The following ADAMTS4 variants were observed in gnomAD, a reference collection of about 807,000 sequenced individuals.
The protein encoded by ADAMTS4 is A disintegrin and metalloproteinase with thrombospondin motifs 4.
In ADAMTS4, 38 loss-of-function variants were observed where a neutral mutation model predicts 66.7. The ratio of observed to expected loss-of-function variants is 0.57; its 90% CI spans 0.44 to 0.75. The LOEUF is 0.75. Ranked by LOEUF, ADAMTS4 falls within the 30% of genes least tolerant of loss-of-function variation. ADAMTS4 has a pLI of 0.00. For missense variants in ADAMTS4, 1,014 were observed against 1,116.7 expected (o/e 0.91, Z 1.31); for synonymous variants, 418 against 461.5 (o/e 0.91, Z 1.21).
In ADAMTS4 at chr1:161,192,218, G is replaced by T; in HGVS notation, c.1934C>A (p.Ser645Tyr). 4 of 1,613,948 alleles carry T rather than the reference G, an allele frequency of 2.5e-6. No homozygotes were observed. Among genetic ancestry groups the T allele is most frequent in the Non-Finnish European group, 3.4e-6 (4 of 1,179,904 alleles). ...EPRVVDGTPC[S>Y]PDSSSVCVQG... ...GACACAGACCGAGGAGCTGTCCGGG[G>T]AACAGGGGGTCCCATCTACCACCTG... The change falls in exon 8 of 9, where the codon TCC becomes TAC. Residue 645 changes from serine (S) to tyrosine (Y), a missense_variant. By Grantham distance (144) the Ser-to-Tyr change is moderately radical. Transcript: ENST00000367996.
At position 161,192,085 on chromosome 1, in the gene ADAMTS4, T is replaced by C. The variant is rs763301244; in HGVS notation, c.2067A>G (p.Ser689=). ...AGAACCTGAATTTCCTGAAGGAGCC[T>C]GACTGCTTGCTGCAACCAGAACCGT... ...GGDGSGCSKQ[S]GSFRKFRYGY... Residue 689 remains serine, a synonymous_variant, in exon 8 of 9, where the codon TCA becomes TCG. Transcript: ENST00000367996. 6.2e-7 allele frequency: 1 copy of C among 1,614,026 alleles called. No homozygotes were observed.
At position 161,196,688 on chromosome 1, in the gene ADAMTS4, C is replaced by T. The variant is rs926584613; in HGVS notation, c.826G>A (p.Glu276Lys). 16 of 1,613,906 alleles carry T rather than the reference C, an allele frequency of 9.9e-6. No individual in the cohort carries two copies. The highest frequency in any genetic ancestry group is 1.6e-4 in the Middle Eastern group (1 of 6,084). ...CTGGGCCCCACTTGGGGCCCCTCCT[C>T]GCCTGACCCCAGGATCACTAGCCGA... is the stretch of plus-strand genomic sequence containing the variant. ...VTRLVILGSG[E>K]EGPQVGPSAA... The change falls in exon 2 of 9, where the codon GAG (glutamate) becomes AAG (lysine). Residue 276 changes from glutamate (E) to lysine (K), a missense_variant. By Grantham distance (56) the Glu-to-Lys change is moderately conservative (BLOSUM62 1). Transcript: ENST00000367996.
Position 161,187,944 on chromosome 1 carries a change from CTTTTTT to C in ADAMTS4, c.*3188_*3193del. The C allele has an allele frequency of 1.1e-5, 1 of 91,440 alleles. No homozygotes were observed. The highest frequency in any genetic ancestry group is 2.0e-5 in the Non-Finnish European group (1 of 48,918). The allele number at this position is 91,440 out of a possible 1,614,324, so 5.7% of individuals were successfully genotyped here. A position where few individuals can be genotyped will look rare whatever the true frequency, so the allele number is the denominator to read the frequency against. ...TGACACATAGAGGACTGCCCAAGTT[CTTTTTT>C]TTTTTTTTTTTTTTTTTGAGATGGA... is the stretch of plus-strand genomic sequence containing the variant. On this transcript the variant is annotated 3_prime_UTR_variant, in exon 9 of 9. Transcript: ENST00000367996.
At position 161,195,397 on chromosome 1, in the gene ADAMTS4, G is replaced by A. The variant is rs573538035; in HGVS notation, c.1261+68C>T. ...AATTTGGTCCATGCAGAATGCAGCG[G>A]AAGTGAGAGTGCCCTGGAGGACAGG... On this transcript the variant is annotated intron_variant, in intron 4 of 8. Transcript: ENST00000367996. 14 of 1,501,112 alleles carry A rather than the reference G, an allele frequency of 9.3e-6. No individual in the cohort carries two copies. The African/African-American group carries it at 2.0e-4, about 21-fold the overall frequency. 93.0% of individuals were successfully genotyped at this position (1,501,112 alleles called of 1,614,324 possible).
intron 3 of ADAMTS4, chr1:161,195,922 T>TACACACACACAGACAC: frequency 1.9e-6 from 1 of 520,374 alleles, no homozygotes; most frequent in Non-Finnish European, 3.2e-6. Flanking sequence ...CCCCTCCAAA[T>TACACACACACAGACAC]ACACACACAC....
At chr1:161,195,400 G>T in intron 4 of ADAMTS4, 65 bp downstream of exon 4, 8 of 1,509,176 alleles carry the variant, frequency 5.3e-6, no homozygotes, top group Non-Finnish European at 6.2e-6. Flanking sequence ...TGCAGCGGAA[G>T]TGAGAGTGCC....
In ADAMTS4 at chr1:161,193,371, C is replaced by T; in HGVS notation, c.1753G>A (p.Glu585Lys). The change falls in exon 7 of 9, where the codon GAG (glutamate) becomes AAG (lysine). Residue 585 changes from glutamate (E) to lysine (K), a missense_variant. Glu to Lys is a moderately conservative substitution (Grantham distance 56). Transcript: ENST00000367996. The surrounding 1 kb of genome is among the most constrained non-coding windows in gnomAD (Gnocchi z 4.4). ...CGGTGGTTGTAGGCAGCACACTGCT[C>T]CTCGCGGAAGGTCAGGGCTGGAGGG... is the stretch of plus-strand genomic sequence containing the variant. ...PTGSALTFRE[E>K]QCAAYNHRTD... 4 of 1,613,730 alleles carry T rather than the reference C, an allele frequency of 2.5e-6. 1 individual carries two copies. The South Asian group carries it at 4.4e-5, about 18-fold the overall frequency.
At position 161,192,185 on chromosome 1, in the gene ADAMTS4, C is replaced by A. The variant is rs370892564; in HGVS notation, c.1967G>T (p.Arg656Leu). Reference sequence around the variant, plus strand: ...GCGATCACAGCCAGCATGGATGCATCGGCCCTGGACACAGACCGAGGAGCT... The same window carrying A: ...GCGATCACAGCCAGCATGGATGCATAGGCCCTGGACACAGACCGAGGAGCT... ...PDSSSVCVQG[R>L]CIHAGCDRII... Residue 656 changes from arginine to leucine, a missense_variant, in exon 8 of 9, where the codon CGA (arginine) becomes CTA (leucine). Transcript: ENST00000367996. 2 of 1,614,114 alleles carry A rather than the reference C, an allele frequency of 1.2e-6. No homozygotes were observed. Among genetic ancestry groups the A allele is most frequent in the African/African-American group, 2.7e-5 (2 of 75,032 alleles).
rs116361265 is a variant in ADAMTS4 at position 161,192,143 on chromosome 1, T to G, written c.2009A>C (p.Lys670Thr). 2 of 1,614,116 alleles carry G rather than the reference T, an allele frequency of 1.2e-6. No individual in the cohort carries two copies. Among genetic ancestry groups the G allele is most frequent in the Non-Finnish European group, 1.7e-6 (2 of 1,180,040 alleles). Residue 670 changes from lysine to threonine, a missense_variant, in exon 8 of 9, where the codon AAG (lysine) becomes ACG (threonine). Physicochemically the swap from Lys to Thr is moderately conservative, Grantham distance 78. Transcript: ENST00000367996. ...GCACACCATGCACTTGTCAAACTTC[T>G]TCTTGGAGCCAATGATGCGATCACA... is the stretch of plus-strand genomic sequence containing the variant. The part of the protein sequence containing the change: ...AGCDRIIGSK[K>T]KFDKCMVCGG...
rs1664539240 is a variant in ADAMTS4, at chr1:161,186,294, A to G, written c.*4844T>C. ...GTTGGACTCCTATTAGGTAAAGCCT[A>G]CCTACAATCTGGGTCTTGGAGGTGT... On this transcript the variant is annotated 3_prime_UTR_variant, in exon 9 of 9. Coordinates refer to ENST00000367996, the MANE Select transcript of ADAMTS4 (RefSeq NM_005099.6). 6.6e-6 allele frequency: 1 copy of G among 152,230 alleles called. No homozygotes were observed. Among genetic ancestry groups the G allele is most frequent in the African/African-American group, 2.4e-5 (1 of 41,468 alleles). The allele number at this position is 152,230 out of a possible 1,614,324, so 9.4% of individuals were successfully genotyped here. A position where few individuals can be genotyped will look rare whatever the true frequency, so the allele number is the denominator to read the frequency against.
At position 161,191,059 on chromosome 1, in the gene ADAMTS4, G is replaced by A. The variant is rs1305947345; in HGVS notation, c.*79C>T. ...CCCTCCCCACTGAGTCTTAGCATGA[G>A]GCAGCAACAGAAGCTCTCTCTTTCT... On this transcript the variant is annotated 3_prime_UTR_variant, in exon 9 of 9. Transcript: ENST00000367996. 8.3e-6 allele frequency: 12 copies of A among 1,453,580 alleles called. No homozygotes were observed. The highest frequency in any genetic ancestry group is 2.5e-4 in the Middle Eastern group (1 of 3,944). 90.0% of individuals were successfully genotyped at this position (1,453,580 alleles called of 1,614,324 possible).
chr1:161,191,390 A>T lies in ADAMTS4; in HGVS notation c.2262T>A (p.Pro754=). The T allele has an allele frequency of 6.2e-7, 1 of 1,614,058 alleles. No homozygotes were observed. Among genetic ancestry groups the T allele is most frequent in the African/African-American group, 1.3e-5 (1 of 75,072 alleles). ...CGCTGTAGCGCAAGCTGACTGCCCCAGGCAGTACCACATCTGTGGGGGAGG... is the reference window on the plus strand; with the variant it reads ...CGCTGTAGCGCAAGCTGACTGCCCCTGGCAGTACCACATCTGTGGGGGAGG... ...LMPSPTDVVL[P]GAVSLRYSGA... is the part of the protein sequence containing the mutation. Residue 754 remains proline, a synonymous_variant, in exon 9 of 9, where the codon CCT becomes CCA. Transcript: ENST00000367996.
At chr1:161,195,419 C>T in intron 4 of ADAMTS4, 46 bp downstream of exon 4, 5 of 1,548,140 alleles carry the variant, frequency 3.2e-6, no homozygotes, top group Non-Finnish European at 4.4e-6. Flanking sequence ...CCCTGGAGGA[C>T]AGGAATTGAG....
At position 161,185,119 on chromosome 1, in the gene ADAMTS4, C is replaced by CCATTA. The variant is rs1329478802; in HGVS notation, c.*6018_*6019insTAATG. 6.6e-6 allele frequency: 1 copy of CCATTA among 151,664 alleles called. No homozygotes were observed. Among genetic ancestry groups the CCATTA allele is most frequent in the Non-Finnish European group, 1.5e-5 (1 of 67,940 alleles). 9.4% of individuals were successfully genotyped at this position (151,664 alleles called of 1,614,324 possible). A position where few individuals can be genotyped will look rare whatever the true frequency, so the allele number is the denominator to read the frequency against. ...AAATGATGAGTTAATGGGTGCAGCACACCAGCATGGCACATGTATACATAT... is the reference window on the plus strand; with the variant it reads ...AAATGATGAGTTAATGGGTGCAGCACCATTAACCAGCATGGCACATGTATACATAT... On this transcript the variant is annotated 3_prime_UTR_variant, in exon 9 of 9. Transcript: ENST00000367996.
Position 161,193,671 on chromosome 1 carries a change from G to C in ADAMTS4, c.1704C>G (p.Ser568=). ...CAGTTGGGCAGTCCTCAGTGTTGCAGGAGCGGAAGCGGGTACGGCGGCCCT... is the reference window on the plus strand; with the variant it reads ...CAGTTGGGCAGTCCTCAGTGTTGCACGAGCGGAAGCGGGTACGGCGGCCCT... ...YCEGRRTRFR[S]CNTEDCPTGS... is the part of the protein sequence containing the mutation. Residue 568 remains serine (S), a synonymous_variant, in exon 6 of 9, where the codon TCC becomes TCG. Coordinates refer to ENST00000367996, the MANE Select transcript of ADAMTS4 (RefSeq NM_005099.6). This position sits in a 1 kb window ranked among gnomAD's most constrained non-coding sequence, Gnocchi z 4.4. 2 of 1,613,508 alleles carry C rather than the reference G, an allele frequency of 1.2e-6. No homozygotes were observed. The highest frequency in any genetic ancestry group is 2.2e-5 in the East Asian group (1 of 44,884).
intron 3 of ADAMTS4, chr1:161,195,934 GACACACACACAC>G (rs57224018): frequency 6.8e-6 from 3 of 440,264 alleles, no homozygotes; most frequent in Admixed American, 4.1e-5. Flanking sequence ...CACACACACA[GACACACACACAC>G]ACACACACAC....
Position 161,193,838 on chromosome 1 carries a change from C to A in ADAMTS4, c.1549-12G>T. The A allele has an allele frequency of 6.3e-7, 1 of 1,596,784 alleles. No homozygotes were observed. Among genetic ancestry groups the A allele is most frequent in the South Asian group, 1.1e-5 (1 of 87,826 alleles). On this transcript the variant is annotated splice_polypyrimidine_tract_variant and intron_variant, in intron 5 of 8. Transcript: ENST00000367996. The surrounding 1 kb of genome is among the most constrained non-coding windows in gnomAD (Gnocchi z 4.4). ...CCAGCCTGTGGAATCTGCAAAGGCA[C>A]AGAACGGAAGTGGGGCATAAGTGAA... is the stretch of plus-strand genomic sequence containing the variant.
At chr1:161,196,486 A>C in intron 2 of ADAMTS4, 71 bp downstream of exon 2, 1 of 1,542,302 alleles carries the variant, frequency 6.5e-7, no homozygotes, top group Non-Finnish European at 8.8e-7. Flanking sequence ...CATCATTTGC[A>C]TCATAGTCTA....
chr1:161,196,424 C>T (rs902874716), intron 2 of ADAMTS4, 121 bp from the exon 3 acceptor site: 11 of 1,505,172 alleles, frequency 7.3e-6, no homozygotes, highest in Admixed American at 4.1e-5. Flanking sequence ...CCTAGGTAGC[C>T]ACACATGGCA....
Sources: allele counts gnomAD v4.1 joint callset, GRCh38; gene constraint gnomAD v4.1.1; non-coding constraint Gnocchi (gnomAD v3.1); transcripts MANE v1.5; gene names NCBI Gene and HGNC (gene_info 2026-07-23, HGNC 2026-07-21).